Variants in TRMT11 observed in about 807,000 individuals in gnomAD.
The protein encoded by TRMT11 is tRNA methyltransferase 11.
A neutral mutation model predicts 62.8 loss-of-function variants in TRMT11; 53 were observed. The observed-to-expected ratio is 0.84, with a 90% CI of 0.68 to 1.06. The LOEUF (loss-of-function observed/expected upper bound fraction) is 1.06, where lower values mean the gene tolerates loss of function less well. TRMT11 is among the 50% of genes least tolerant of loss of function. TRMT11 has a pLI of 0.00. For missense variants in TRMT11, 556 were observed against 553.4 expected, an observed-to-expected ratio of 1.00 and a Z score of -0.05; for synonymous variants, 188 against 190.3, an observed-to-expected ratio of 0.99 and a Z score of 0.10.
chr6:125,994,687 G>C (rs1290245107), intron 2 of TRMT11, among the ~76,000 whole-genome samples: 2 of 152,126 alleles, frequency 1.3e-5, no homozygotes, highest in African/African-American at 4.8e-5. Flanking sequence ...ATTCACAATA[G>C]CAAAGCATAG....
intron 21 of TRMT11, among the ~76,000 whole-genome samples, chr6:126,116,153 T>G (rs564344207): frequency 5.3e-5 from 8 of 152,080 alleles, no homozygotes; most frequent in Admixed American, 5.2e-4. Context: ...ACCAGTGCTC[T>G]GCAACAAGGT....
the TRMT11 span, among the ~76,000 whole-genome samples, chr6:126,263,706 G>C: frequency 1.8e-4 from 27 of 152,270 alleles, no homozygotes; most frequent in African/African-American, 6.0e-4. Flanking sequence ...GACATCTTAT[G>C]AGAACAACTT....
At chr6:126,098,987 A>C (rs1268395321) in intron 17 of TRMT11, among the ~76,000 whole-genome samples, 3 of 152,228 alleles carry the variant, frequency 2.0e-5, no homozygotes, top group Non-Finnish European at 2.9e-5. Flanking sequence ...TGTCATTCAC[A>C]GTTGGTAGGT....
At chr6:126,095,962 A>C (rs1247732510) in intron 17 of TRMT11, among the ~76,000 whole-genome samples, 1 of 152,172 alleles carries the variant, frequency 6.6e-6, no homozygotes, top group Non-Finnish European at 1.5e-5. Context: ...GCCTAGGAGC[A>C]GGGATAGGAG....
chr6:126,197,289 C>T (rs1778677824), intron 1 of TRMT11, among the ~76,000 whole-genome samples: 1 of 152,128 alleles, frequency 6.6e-6, no homozygotes. Context: ...TTTCCTTTCC[C>T]TTTTGCTTCG....
intron 17 of TRMT11, among the ~76,000 whole-genome samples, chr6:126,054,165 C>A (rs1290573997): frequency 2.6e-5 from 4 of 152,204 alleles, no homozygotes; most frequent in Non-Finnish European, 4.4e-5. Context: ...GTTTTAATTT[C>A]TTTCAAAATG....
At chr6:126,257,958 C>G in the TRMT11 span, 3 of 1,559,172 alleles carry the variant, frequency 1.9e-6, no homozygotes, top group Admixed American at 1.7e-5. Context: ...CTGCATGCCC[C>G]GGATCTTGTC....
chr6:126,018,638 C>T (rs565952229), intron 11 of TRMT11, among the ~76,000 whole-genome samples: 1 of 151,454 alleles, frequency 6.6e-6, no homozygotes, highest in African/African-American at 2.4e-5. Context: ...TAGTTACCAC[C>T]CCCCTATCTC....
chr6:126,258,313 C>T, the TRMT11 span: 1 of 424,464 alleles, frequency 2.4e-6, no homozygotes, highest in Non-Finnish European at 4.5e-6. Flanking sequence ...CACTGCCCCG[C>T]CCTGGGGCCA....
intron 17 of TRMT11, among the ~76,000 whole-genome samples, chr6:126,094,076 G>A (rs181115120): frequency 4.6e-5 from 7 of 151,812 alleles, no homozygotes; most frequent in African/African-American, 7.3e-5. Flanking sequence ...GCCAAGCAGT[G>A]TAATAGAAAA....
intron 1 of TRMT11, among the ~76,000 whole-genome samples, chr6:125,992,845 G>A (rs1403700929): frequency 6.6e-6 from 1 of 152,126 alleles, no homozygotes; most frequent in African/African-American, 2.4e-5. Flanking sequence ...CCATCTGATT[G>A]GACTGAATTC....
In TRMT11 at chr6:126,115,822, ACCTC is replaced by A. The variant is rs1159819610; in HGVS notation, c.*1791_*1794del. On this transcript the variant is annotated 3_prime_UTR_variant and NMD_transcript_variant, in exon 21 of 23. Coordinates refer to the TRMT11 transcript ENST00000648977. ...GCTTCTTCCTGTTCCCATTAGTGTCACCTCAGCAGTGACTTTTCACCCTGGAGTG... is the reference window on the plus strand; with the variant it reads ...GCTTCTTCCTGTTCCCATTAGTGTCAAGCAGTGACTTTTCACCCTGGAGTG... Among the ~76,000 whole-genome samples the A allele has an allele frequency of 2.6e-5, 4 of 151,880 alleles. No homozygotes were observed. The East Asian group carries it at 7.8e-4, about 30-fold the overall frequency.
rs1196142323 is a variant in TRMT11, at chr6:125,999,649, G to A, written c.679+36G>A. The stretch of plus-strand genomic sequence containing the variant: ...TTAACTTTTAAGCTAGTGTAGAGAT[G>A]TTGCTTATTTATATTAATGAAGGTC... On this transcript the variant is annotated intron_variant, in intron 7 of 12. Coordinates refer to ENST00000334379, the MANE Select transcript of TRMT11 (RefSeq NM_001031712.3). 4.5e-6 allele frequency: 7 copies of A among 1,541,888 alleles called. No homozygotes were observed. The South Asian group carries it at 6.1e-5, about 13-fold the overall frequency.
chr6:126,173,175 A>G (rs1391313348), upstream of TRMT11, among the ~76,000 whole-genome samples: 1 of 152,188 alleles, frequency 6.6e-6, no homozygotes, highest in Non-Finnish European at 1.5e-5. Flanking sequence ...TCTAGTAAAA[A>G]AGTTCTCTTG....
intron 17 of TRMT11, among the ~76,000 whole-genome samples, chr6:126,062,503 A>T (rs1776564885): frequency 6.6e-6 from 1 of 152,206 alleles, no homozygotes; most frequent in South Asian, 2.1e-4. Context: ...CTTCAAACTT[A>T]ACTTTGGTGT....
At chr6:126,118,174 G>A (rs1777611491) in intron 21 of TRMT11, among the ~76,000 whole-genome samples, 1 of 152,022 alleles carries the variant, frequency 6.6e-6, no homozygotes, top group Admixed American at 6.6e-5. Flanking sequence ...AGCAGCTGTA[G>A]CACCTCTTAA....
intron 21 of TRMT11, among the ~76,000 whole-genome samples, chr6:126,136,206 T>G (rs995593768): frequency 6.6e-6 from 1 of 151,648 alleles, no homozygotes; most frequent in East Asian, 1.9e-4. Flanking sequence ...TATTATTATT[T>G]TTTTTTGCAG....
intron 17 of TRMT11, among the ~76,000 whole-genome samples, chr6:126,070,242 C>T (rs903353420): frequency 3.3e-5 from 5 of 152,140 alleles, no homozygotes; most frequent in South Asian, 2.1e-4. Context: ...GATCAAGAGA[C>T]GAGTTGGTTC....
intron 1 of TRMT11, chr6:126,177,378 T>G (rs1172231338): frequency 6.6e-6 from 1 of 152,202 alleles, no homozygotes; most frequent in Non-Finnish European, 1.5e-5. Flanking sequence ...AGATTTATAA[T>G]GAAAAACAGC....
Sources: gnomAD v4.1 joint callset for allele counts (sites outside exome capture counted in the v4.1 genomes callset) on GRCh38, gnomAD v4.1.1 for gene constraint, MANE v1.5 for transcripts, NCBI Gene and HGNC (gene_info 2026-07-23, HGNC 2026-07-21) for gene names.